The following KHDRBS2 variants were observed in gnomAD, a reference collection of about 807,000 sequenced individuals.
The protein encoded by KHDRBS2 is KH RNA binding domain containing, signal transduction associated 2.
In KHDRBS2, 26 loss-of-function variants were observed where a neutral mutation model predicts 44.3. The ratio of observed to expected loss-of-function variants is 0.59; its 90% CI spans 0.43 to 0.81. The LOEUF (loss-of-function observed/expected upper bound fraction) is 0.81, where lower values mean the gene tolerates loss of function less well. Among genes scored for constraint, KHDRBS2 ranks in the 40% least tolerant of loss-of-function variants. The pLI is 0.00. For missense variants in KHDRBS2, 476 were observed against 433.1 expected, an observed-to-expected ratio of 1.10 and a Z score of -0.88; for synonymous variants, 194 against 151.1, an observed-to-expected ratio of 1.28 and a Z score of -2.08.
At chr6:62,168,183 G>T (rs1490304659) in intron 2 of KHDRBS2, among the ~76,000 whole-genome samples, 3 of 152,090 alleles carry the variant, frequency 2.0e-5, no homozygotes. Flanking sequence ...CAGCACAGGG[G>T]AATGTGGCTG....
chr6:61,714,392 G>C (rs1265134710), intron 7 of KHDRBS2, among the ~76,000 whole-genome samples: 1 of 151,834 alleles, frequency 6.6e-6, no homozygotes, highest in Non-Finnish European at 1.5e-5. Context: ...AAAAATAGCA[G>C]ATGTTGGCAA....
chr6:62,072,315 T>A (rs978676014), intron 2 of KHDRBS2, among the ~76,000 whole-genome samples: 2 of 152,200 alleles, frequency 1.3e-5, no homozygotes, highest in Non-Finnish European at 2.9e-5. Flanking sequence ...CCTCTTTTCT[T>A]AATTGAATAT....
At chr6:61,739,775 A>T (rs1775888641) in intron 6 of KHDRBS2, among the ~76,000 whole-genome samples, 1 of 151,936 alleles carries the variant, frequency 6.6e-6, no homozygotes, top group South Asian at 2.1e-4. Context: ...CTGAAAACAG[A>T]CTTGGGAAGA....
intron 2 of KHDRBS2, among the ~76,000 whole-genome samples, chr6:62,175,418 G>T (rs547896099): frequency 6.6e-6 from 1 of 151,226 alleles, no homozygotes; most frequent in South Asian, 2.1e-4. Context: ...CAAATATGTG[G>T]GCATGATCAG....
At position 62,284,125 on chromosome 6, in the gene KHDRBS2, C is replaced by A. The variant is rs183690266; in HGVS notation, c.91+1733G>T. Among the ~76,000 whole-genome samples the A allele has an allele frequency of 9.9e-5, 15 of 152,244 alleles. No individual in the cohort carries two copies. The East Asian group carries it at 2.1e-3, about 22-fold the overall frequency. ...AAAATGTTAAGGAACCAAGTGCATT[C>A]TCTGACTGTTTTACCAGCCACAGAA... On this transcript the variant is annotated intron_variant, in intron 1 of 8. Transcript: ENST00000281156.
intron 3 of KHDRBS2, among the ~76,000 whole-genome samples, chr6:61,994,105 A>G (rs1384304617): frequency 3.3e-5 from 5 of 152,138 alleles, no homozygotes; most frequent in Non-Finnish European, 5.9e-5. Context: ...ATTGGTACAC[A>G]AGAAACTCCC....
downstream of KHDRBS2, among the ~76,000 whole-genome samples, chr6:61,676,115 T>C (rs568098102): frequency 3.3e-5 from 5 of 151,900 alleles, no homozygotes; most frequent in South Asian, 1.0e-3. Flanking sequence ...GCATCCTCTG[T>C]TCGTGCATAT....
intron 6 of KHDRBS2, among the ~76,000 whole-genome samples, chr6:61,750,723 T>C (rs554400995): frequency 6.6e-6 from 1 of 150,942 alleles, no homozygotes; most frequent in South Asian, 2.1e-4. Context: ...AGGGAGTAAC[T>C]GCCTTTCTTC....
At chr6:62,248,307 G>A (rs187027582) in intron 1 of KHDRBS2, among the ~76,000 whole-genome samples, 296 of 150,992 alleles carry the variant, frequency 2.0e-3, no homozygotes, top group Middle Eastern at 0.01. Context: ...AAAAAACTGG[G>A]GCCCAGCAAA....
chr6:61,548,075 G>A, the KHDRBS2 span, among the ~76,000 whole-genome samples: 6 of 152,156 alleles, frequency 3.9e-5, no homozygotes, highest in East Asian at 1.2e-3. Flanking sequence ...TTTTCAAGGA[G>A]ACAAAAATCT....
At chr6:62,243,178 C>CAT (rs1157636818) in intron 1 of KHDRBS2, among the ~76,000 whole-genome samples, 12 of 151,900 alleles carry the variant, frequency 7.9e-5, no homozygotes, top group Admixed American at 2.6e-4. Context: ...ACACACACTA[C>CAT]ATATATATAT....
the KHDRBS2 span, among the ~76,000 whole-genome samples, chr6:61,663,726 A>T: frequency 6.6e-6 from 1 of 151,050 alleles, no homozygotes; most frequent in Non-Finnish European, 1.5e-5. Flanking sequence ...ACAAACAGTT[A>T]TACTGCTTAA....
chr6:61,988,139 A>T (rs771511278), intron 3 of KHDRBS2, among the ~76,000 whole-genome samples: 3 of 152,198 alleles, frequency 2.0e-5, no homozygotes, highest in African/African-American at 4.8e-5. Context: ...GGAACATTAA[A>T]TCATATACTC....
chr6:62,065,527 G>C (rs1044048565), intron 2 of KHDRBS2, among the ~76,000 whole-genome samples: 1 of 149,334 alleles, frequency 6.7e-6, no homozygotes. Flanking sequence ...GTAAACTATC[G>C]CAAGAACAAA....
chr6:62,035,236 A>T (rs1330048636), intron 3 of KHDRBS2, among the ~76,000 whole-genome samples: 1 of 152,038 alleles, frequency 6.6e-6, no homozygotes. Context: ...ATTCCAAGCA[A>T]CCTATGTGTC....
intron 2 of KHDRBS2, among the ~76,000 whole-genome samples, chr6:62,128,003 T>C (rs571488261): frequency 1.8e-4 from 27 of 152,298 alleles, no homozygotes; most frequent in African/African-American, 6.5e-4. Context: ...CTTACATTTT[T>C]CCCATCTTTT....
At chr6:62,225,084 C>A (rs1311181927) in intron 1 of KHDRBS2, among the ~76,000 whole-genome samples, 1 of 152,076 alleles carries the variant, frequency 6.6e-6, no homozygotes, top group Non-Finnish European at 1.5e-5. Flanking sequence ...GAAGGTGCTA[C>A]CAGGATCTAG....
intron 1 of KHDRBS2, among the ~76,000 whole-genome samples, chr6:62,243,968 T>C (rs1455730349): frequency 6.6e-6 from 1 of 152,158 alleles, no homozygotes. Flanking sequence ...TTCTAGAGTA[T>C]ATCAAGTATT....
At chr6:61,781,474 G>A (rs959879134) in intron 6 of KHDRBS2, among the ~76,000 whole-genome samples, 15 of 152,136 alleles carry the variant, frequency 9.9e-5, no homozygotes, top group African/African-American at 3.4e-4. Flanking sequence ...TATGATTCAA[G>A]AGAAGCAAAA....
Sources: allele counts gnomAD v4.1 joint callset (sites outside exome capture counted in the v4.1 genomes callset), GRCh38; gene constraint gnomAD v4.1.1; transcripts MANE v1.5; gene names NCBI Gene and HGNC (gene_info 2026-07-23, HGNC 2026-07-21).